MOB3B: variants seen among roughly 807,000 people sequenced by gnomAD.
MOB3B encodes the protein MOB kinase activator-like 2B.
MOB3B carries 7 observed loss-of-function variants against 18.7 expected under a neutral mutation model. That is an observed-to-expected ratio of 0.37 (90% CI 0.21 to 0.70). The LOEUF is 0.70. MOB3B is among the 30% of genes least tolerant of loss of function. The probability of loss-of-function intolerance (pLI) is 0.52; values close to 1 mark genes in which losing one functional copy is unlikely to be tolerated. For missense variants in MOB3B, 253 were observed against 281.3 expected, an observed-to-expected ratio of 0.90 and a Z score of 0.72; for synonymous variants, 111 against 99.9, an observed-to-expected ratio of 1.11 and a Z score of -0.66.
intron 3 of MOB3B, among the ~76,000 whole-genome samples, chr9:27,334,613 G>A (rs60723597): frequency 1.1e-3 from 172 of 152,256 alleles, no homozygotes; most frequent in African/African-American, 4.0e-3. Context: ...AAACTTCCGT[G>A]AACTCTAAGT....
chr9:27,474,717 C>T (rs761049484), intron 1 of MOB3B, among the ~76,000 whole-genome samples: 3 of 152,202 alleles, frequency 2.0e-5, no homozygotes, highest in Non-Finnish European at 2.9e-5. Context: ...TATAGCCTCT[C>T]CTTCTCAGGC....
intron 2 of MOB3B, among the ~76,000 whole-genome samples, chr9:27,387,761 G>A (rs1032754931): frequency 3.9e-5 from 6 of 152,218 alleles, no homozygotes; most frequent in Middle Eastern, 3.4e-3. Flanking sequence ...CTGGATTAAC[G>A]TTTCGGATGG....
At chr9:27,334,847 G>T (rs1820841055) in intron 3 of MOB3B, among the ~76,000 whole-genome samples, 1 of 151,950 alleles carries the variant, frequency 6.6e-6, no homozygotes, top group Non-Finnish European at 1.5e-5. Context: ...TTTTGAGATG[G>T]AGTCTCGCTT....
At chr9:27,504,046 G>C (rs1396174647) in intron 1 of MOB3B, among the ~76,000 whole-genome samples, 2 of 152,194 alleles carry the variant, frequency 1.3e-5, no homozygotes, top group African/African-American at 4.8e-5. Flanking sequence ...GCAAATCACA[G>C]GGTCTCAGAG....
At chr9:27,529,248 T>C (rs1018879262) in intron 1 of MOB3B, among the ~76,000 whole-genome samples, 2 of 150,248 alleles carry the variant, frequency 1.3e-5, no homozygotes, top group Non-Finnish European at 3.0e-5. Flanking sequence ...GACGATCTTA[T>C]TGATTTATAT....
chr9:27,491,622 C>T (rs1016896711), intron 1 of MOB3B, among the ~76,000 whole-genome samples: 8 of 152,152 alleles, frequency 5.3e-5, no homozygotes, highest in Admixed American at 2.0e-4. Context: ...TGCCTGTAAT[C>T]CCAGCACTTT....
intron 1 of MOB3B, among the ~76,000 whole-genome samples, chr9:27,480,854 G>C (rs1198851209): frequency 1.3e-5 from 2 of 152,104 alleles, no homozygotes; most frequent in African/African-American, 4.8e-5. Context: ...ATATAAGAAA[G>C]AATTAAGAGA....
At chr9:27,383,459 G>T (rs772650002) in intron 2 of MOB3B, among the ~76,000 whole-genome samples, 5 of 152,182 alleles carry the variant, frequency 3.3e-5, no homozygotes, top group Non-Finnish European at 5.9e-5. Flanking sequence ...TTCAAACTCA[G>T]GCTCAAATGA....
At chr9:27,435,531 A>G (rs1822486666) in intron 2 of MOB3B, among the ~76,000 whole-genome samples, 1 of 152,062 alleles carries the variant, frequency 6.6e-6, no homozygotes, top group Non-Finnish European at 1.5e-5. Context: ...TTAACATGTC[A>G]CTCATCTGCC....
chr9:27,422,009 T>C (rs1445142584), intron 2 of MOB3B, among the ~76,000 whole-genome samples: 1 of 152,196 alleles, frequency 6.6e-6, no homozygotes, highest in Non-Finnish European at 1.5e-5. Flanking sequence ...GTCTTTATTG[T>C]TCTCTGCTGT....
At chr9:27,494,867 T>C (rs1012974408) in intron 1 of MOB3B, among the ~76,000 whole-genome samples, 15 of 152,182 alleles carry the variant, frequency 9.9e-5, no homozygotes, top group African/African-American at 3.6e-4. Context: ...ATAAGAGTTG[T>C]GGTCATGTGA....
At position 27,388,076 on chromosome 9, in the gene MOB3B, C is replaced by T. The variant is rs1821671637; in HGVS notation, c.419-28840G>A. Among the ~76,000 whole-genome samples the T allele has an allele frequency of 2.6e-5, 4 of 152,092 alleles. No individual in the cohort carries two copies. The South Asian group carries it at 8.3e-4, about 32-fold the overall frequency. ...ATTTAACAATGCACAGGACAGCCTCCCATAGCAAAGAATTATCCAGCTCAA... is the reference window on the plus strand; with the variant it reads ...ATTTAACAATGCACAGGACAGCCTCTCATAGCAAAGAATTATCCAGCTCAA... On this transcript the variant is annotated intron_variant, in intron 2 of 3. Coordinates refer to ENST00000262244, the MANE Select transcript of MOB3B (RefSeq NM_024761.5).
chr9:27,400,509 C>A (rs998541535), intron 2 of MOB3B, among the ~76,000 whole-genome samples: 1 of 152,242 alleles, frequency 6.6e-6, no homozygotes, highest in Non-Finnish European at 1.5e-5. Flanking sequence ...TCAAAAATCA[C>A]CTAGGTAAAG....
chr9:27,464,394 C>G (rs1417572436), intron 1 of MOB3B, among the ~76,000 whole-genome samples: 1 of 152,138 alleles, frequency 6.6e-6, no homozygotes, highest in Non-Finnish European at 1.5e-5. Context: ...AACACACTTA[C>G]CCTAATATTT....
intron 3 of MOB3B, among the ~76,000 whole-genome samples, chr9:27,341,439 T>C (rs556687025): frequency 9.1e-4 from 138 of 152,318 alleles, no homozygotes; most frequent in African/African-American, 3.2e-3. Flanking sequence ...TGAAAACATA[T>C]GGGGAATGTG....
chr9:27,500,042 T>C (rs1587260739), intron 1 of MOB3B, among the ~76,000 whole-genome samples: 1 of 152,292 alleles, frequency 6.6e-6, no homozygotes, highest in South Asian at 2.1e-4. Context: ...CATCTTGTGG[T>C]TAAATGCTGT....
chr9:27,385,233 A>T (rs993430851), intron 2 of MOB3B, among the ~76,000 whole-genome samples: 2 of 152,140 alleles, frequency 1.3e-5, no homozygotes, highest in African/African-American at 4.8e-5. Context: ...TATTCACGTA[A>T]CTTTTTTTTA....
intron 3 of MOB3B, among the ~76,000 whole-genome samples, chr9:27,343,806 G>A (rs1211286025): frequency 6.7e-6 from 1 of 150,134 alleles, no homozygotes; most frequent in African/African-American, 2.5e-5. Flanking sequence ...ATTGAAAATT[G>A]GTAGCAGCAC....
rs533026744 is a variant in MOB3B, at chr9:27,366,945, T to C, written c.419-7709A>G. Among the ~76,000 whole-genome samples the C allele has an allele frequency of 4.6e-5, 7 of 152,328 alleles. No homozygotes were observed. In the South Asian group the frequency reaches 1.0e-3, roughly 23 times the overall value. On this transcript the variant is annotated intron_variant, in intron 2 of 3. Coordinates refer to ENST00000262244, the MANE Select transcript of MOB3B (RefSeq NM_024761.5). ...GCATCTGTTATTCTGCTCCTGAAAT[T>C]TTCCTGCATAGATCACACATGGTAA...
Sources: gnomAD v4.1 joint callset for allele counts (sites outside exome capture counted in the v4.1 genomes callset) on GRCh38, gnomAD v4.1.1 for gene constraint, MANE v1.5 for transcripts, NCBI Gene and HGNC (gene_info 2026-07-23, HGNC 2026-07-21) for gene names.